Variants in TRIQK observed in about 807,000 individuals in gnomAD.
TRIQK encodes the protein triple QxxK/R motif containing, also known as triple QxxK/R motif-containing protein.
TRIQK carries 10 observed loss-of-function variants against 10.8 expected under a neutral mutation model. The observed-to-expected ratio is 0.92, with a 90% CI of 0.57 to 1.57. The LOEUF (loss-of-function observed/expected upper bound fraction) is 1.57. Ranked by LOEUF, TRIQK falls within the 40% of genes most tolerant of loss-of-function variation. The pLI is 0.00. For missense variants in TRIQK, 107 were observed against 97.7 expected (o/e 1.09, Z -0.40); for synonymous variants, 33 against 33.7 (o/e 0.98, Z 0.07).
chr8:92,910,638 A>T (rs1205192642), intron 3 of TRIQK, among the ~76,000 whole-genome samples: 1 of 151,050 alleles, frequency 6.6e-6, no homozygotes, highest in Non-Finnish European at 1.5e-5. Flanking sequence ...GATAAGAAAA[A>T]TACAAGAGTA....
chr8:93,012,056 G>A (rs1303747745), intron 1 of TRIQK, among the ~76,000 whole-genome samples: 1 of 152,096 alleles, frequency 6.6e-6, no homozygotes, highest in East Asian at 1.9e-4. Context: ...TACGTACTCA[G>A]AAGGCAAGAA....
At chr8:92,957,035 C>T (rs1355650130) in intron 1 of TRIQK, among the ~76,000 whole-genome samples, 1 of 151,722 alleles carries the variant, frequency 6.6e-6, no homozygotes, top group Non-Finnish European at 1.5e-5. Flanking sequence ...ATTGAGTTTC[C>T]TAATGATTAA....
chr8:92,947,194 A>G (rs1811582543), intron 2 of TRIQK, among the ~76,000 whole-genome samples: 1 of 152,076 alleles, frequency 6.6e-6, no homozygotes, highest in African/African-American at 2.4e-5. Flanking sequence ...TTTTCTTTTA[A>G]TACAGATTCT....
At chr8:92,913,353 C>A (rs551551385) in intron 3 of TRIQK, among the ~76,000 whole-genome samples, 9 of 152,070 alleles carry the variant, frequency 5.9e-5, no homozygotes, top group East Asian at 1.9e-4. Flanking sequence ...ATGTGGCCAA[C>A]AAACATATGA....
intron 1 of TRIQK, among the ~76,000 whole-genome samples, chr8:93,005,020 C>T (rs1265659063): frequency 6.6e-6 from 1 of 152,200 alleles, no homozygotes; most frequent in Non-Finnish European, 1.5e-5. Flanking sequence ...TGACCATTAC[C>T]CAGTTCCAAA....
rs188838748 is a variant in TRIQK, at chr8:92,886,904, G to C, written c.148-169C>G. 1,981 of 461,438 alleles carry C rather than the reference G, an allele frequency of 4.3e-3. 7 individuals carry two copies. The highest frequency in any genetic ancestry group is 0.02 in the Middle Eastern group (34 of 1,672). The allele number at this position is 461,438 out of a possible 1,614,324, so 28.6% of individuals were successfully genotyped here. On this transcript the variant is annotated intron_variant, in intron 4 of 4. Coordinates refer to ENST00000521988, the MANE Select transcript of TRIQK (RefSeq NM_001171797.2). Reference sequence around the variant, plus strand: ...TTTTTTGCCGTTAAGAAACTGTTTTGTACTGGCAAGTCCCAATGAAATGGC... The same window carrying C: ...TTTTTTGCCGTTAAGAAACTGTTTTCTACTGGCAAGTCCCAATGAAATGGC...
chr8:92,931,032 T>C (rs1425818485), intron 2 of TRIQK, among the ~76,000 whole-genome samples: 1 of 152,172 alleles, frequency 6.6e-6, no homozygotes, highest in Non-Finnish European at 1.5e-5. Context: ...TTGGCTCTAA[T>C]GGAATATTAG....
At chr8:92,942,984 C>A (rs575229072) in intron 2 of TRIQK, among the ~76,000 whole-genome samples, 4 of 151,714 alleles carry the variant, frequency 2.6e-5, no homozygotes, top group Non-Finnish European at 5.9e-5. Flanking sequence ...TAAGCCACTA[C>A]GCTTGGCTGA....
intron 3 of TRIQK, among the ~76,000 whole-genome samples, chr8:92,898,522 C>T (rs937113948): frequency 6.6e-6 from 1 of 151,984 alleles, no homozygotes; most frequent in Non-Finnish European, 1.5e-5. Flanking sequence ...ATAGTTTTCA[C>T]CAGTGTTCTC....
chr8:92,911,769 A>G (rs1809580200), intron 3 of TRIQK, among the ~76,000 whole-genome samples: 1 of 150,566 alleles, frequency 6.6e-6, no homozygotes. Context: ...GCATATGTGT[A>G]CATAAATAAA....
chr8:93,015,669 A>T, intron 1 of TRIQK, among the ~76,000 whole-genome samples: 1 of 152,074 alleles, frequency 6.6e-6, no homozygotes, highest in East Asian at 1.9e-4. Flanking sequence ...ATGGAATGAA[A>T]ATTTATTGCT....
chr8:92,904,327 C>G (rs910683767), intron 3 of TRIQK, among the ~76,000 whole-genome samples: 8 of 152,054 alleles, frequency 5.3e-5, no homozygotes, highest in Non-Finnish European at 1.5e-5. Flanking sequence ...TACTCCCTTT[C>G]TTTACTAAAA....
At chr8:93,015,071 A>T (rs1404392485) in intron 1 of TRIQK, among the ~76,000 whole-genome samples, 1 of 152,024 alleles carries the variant, frequency 6.6e-6, no homozygotes, top group Non-Finnish European at 1.5e-5. Context: ...AAAGACTATC[A>T]AAATATCAGA....
At chr8:92,964,329 A>G (rs971484500) in intron 1 of TRIQK, among the ~76,000 whole-genome samples, 2 of 152,068 alleles carry the variant, frequency 1.3e-5, no homozygotes, top group African/African-American at 2.4e-5. Context: ...ATTTAGGCTT[A>G]AAATTGTGCA....
chr8:92,973,322 A>G (rs919431353), intron 1 of TRIQK: 4 of 152,180 alleles, frequency 2.6e-5, no homozygotes, highest in African/African-American at 7.2e-5. Flanking sequence ...TAGAACTGCA[A>G]TTGCACAAAA....
intron 3 of TRIQK, among the ~76,000 whole-genome samples, chr8:92,894,070 T>A (rs995026866): frequency 1.3e-5 from 2 of 152,106 alleles, no homozygotes; most frequent in African/African-American, 4.8e-5. Context: ...TCTCATATTC[T>A]TAGAGAATAA....
At chr8:92,954,332 A>G (rs1402901890) in intron 2 of TRIQK, 74 bp downstream of exon 2, 8 of 151,948 alleles carry the variant, frequency 5.3e-5, no homozygotes, top group South Asian at 2.1e-4. Flanking sequence ...ACCCAAAGCA[A>G]TAAGTACAAA....
At chr8:92,926,606 A>T (rs1810461595) in intron 2 of TRIQK, among the ~76,000 whole-genome samples, 1 of 152,196 alleles carries the variant, frequency 6.6e-6, no homozygotes, top group Admixed American at 6.5e-5. Flanking sequence ...AGAAAAAAAA[A>T]GTATGAAAGC....
chr8:93,015,435 T>C (rs1813374882), intron 1 of TRIQK, among the ~76,000 whole-genome samples: 1 of 150,990 alleles, frequency 6.6e-6, no homozygotes. Context: ...AACTTCTCAC[T>C]CAGAAAGTTA....
Sources: allele counts gnomAD v4.1 joint callset (sites outside exome capture counted in the v4.1 genomes callset), GRCh38; gene constraint gnomAD v4.1.1; transcripts MANE v1.5; gene names NCBI Gene and HGNC (gene_info 2026-07-23, HGNC 2026-07-21).